The following ALDH18A1 variants were observed in gnomAD, a reference collection of about 807,000 sequenced individuals.
The protein encoded by ALDH18A1 is aldehyde dehydrogenase 18 family member A1.
Under a neutral mutation model 88.8 loss-of-function variants are expected in ALDH18A1, and 44 were observed. That is an observed-to-expected ratio of 0.50 (90% CI 0.39 to 0.64). The LOEUF (loss-of-function observed/expected upper bound fraction) is 0.64, where lower values mean the gene tolerates loss of function less well. Ranked by LOEUF, ALDH18A1 falls within the 30% of genes least tolerant of loss-of-function variation. ALDH18A1 has a pLI of 0.00. For missense variants in ALDH18A1, 782 were observed against 1,009.5 expected, an observed-to-expected ratio of 0.77 and a Z score of 3.05; for synonymous variants, 331 against 372.1, an observed-to-expected ratio of 0.89 and a Z score of 1.27.
At chr10:95,622,577 G>A (rs930877402) in intron 11 of ALDH18A1, among the ~76,000 whole-genome samples, 11 of 152,042 alleles carry the variant, frequency 7.2e-5, no homozygotes, top group African/African-American at 9.7e-5. Flanking sequence ...TCGCTCTGTC[G>A]CCCAGGCTGG....
chr10:95,628,326 G>C, intron 8 of ALDH18A1, 42 bp downstream of exon 8: 8 of 1,613,558 alleles, frequency 5.0e-6, no homozygotes, highest in Non-Finnish European at 6.8e-6. Flanking sequence ...TATAGTTTGG[G>C]CTTTAAAATT....
intron 12 of ALDH18A1, among the ~76,000 whole-genome samples, chr10:95,618,305 T>C (rs2092477084): frequency 6.6e-6 from 1 of 152,164 alleles, no homozygotes; most frequent in African/African-American, 2.4e-5. Flanking sequence ...ATATGTCAAC[T>C]TGCTTAAAGA....
rs777483455 is a variant in ALDH18A1, at chr10:95,628,358, A to G, written c.933+10T>C. 3.1e-6 allele frequency: 5 copies of G among 1,614,178 alleles called. No homozygotes were observed. Among genetic ancestry groups the G allele is most frequent in the Middle Eastern group, 1.6e-4 (1 of 6,062 alleles). Reference sequence around the variant, plus strand: ...AATTGTTATAGGCAGTTAAGGCACCAGATTCTTACCTTGGCTTCCATGCCA... The same window carrying G: ...AATTGTTATAGGCAGTTAAGGCACCGGATTCTTACCTTGGCTTCCATGCCA... On this transcript the variant is annotated intron_variant, in intron 8 of 17. Transcript: ENST00000371224.
rs147842812 is a variant in ALDH18A1, at chr10:95,610,264, G to A, written c.2139C>T (p.His713=). The part of the protein sequence containing the change: ...DENTAEFFLQ[H]VDSACVFWNA... ...TCCAGAACACACAGGCACTGTCTAC[G>A]TGCTGCAGGAAGAACTCCGCTGTGT... The change falls in exon 17 of 18, where the codon CAC becomes CAT. Residue 713 remains histidine, a synonymous_variant. Transcript: ENST00000371224. The A allele has an allele frequency of 3.5e-5, 57 of 1,613,960 alleles. No homozygotes were observed. Among genetic ancestry groups the A allele is most frequent in the Middle Eastern group, 1.6e-4 (1 of 6,082 alleles).
At chr10:95,623,584 A>G (rs1318848979) in intron 11 of ALDH18A1, among the ~76,000 whole-genome samples, 1 of 146,304 alleles carries the variant, frequency 6.8e-6, no homozygotes, top group Non-Finnish European at 1.5e-5. Context: ...TTTTTTTTTG[A>G]GATGGAGTTT....
chr10:95,622,197 T>A (rs1167821110), intron 11 of ALDH18A1, among the ~76,000 whole-genome samples: 3 of 152,136 alleles, frequency 2.0e-5, no homozygotes, highest in African/African-American at 4.8e-5. Flanking sequence ...AAGAAAACTT[T>A]TTTCCTTTTT....
At chr10:95,622,417 G>A (rs1325053304) in intron 11 of ALDH18A1, among the ~76,000 whole-genome samples, 1 of 152,010 alleles carries the variant, frequency 6.6e-6, no homozygotes, top group Non-Finnish European at 1.5e-5. Context: ...GCCCAGGCTG[G>A]TCTCGAACTC....
intron 2 of ALDH18A1, among the ~76,000 whole-genome samples, chr10:95,650,918 G>A (rs1025190117): frequency 6.6e-6 from 1 of 152,166 alleles, no homozygotes; most frequent in Non-Finnish European, 1.5e-5. Flanking sequence ...GGGATCACTT[G>A]AGGTCAGGAG....
chr10:95,614,267 A>T, intron 13 of ALDH18A1, 106 bp from the exon 14 acceptor site: 1 of 1,198,340 alleles, frequency 8.3e-7, no homozygotes, highest in Non-Finnish European at 1.2e-6. Flanking sequence ...CTGAGAACTA[A>T]GTGAGACACT....
chr10:95,611,107 C>T (rs1320236412), intron 16 of ALDH18A1, 149 bp downstream of exon 16: 2 of 873,652 alleles, frequency 2.3e-6, no homozygotes, highest in Admixed American at 4.3e-5. Flanking sequence ...TGTGAAAGCA[C>T]TCATCAAAGT....
chr10:95,612,543 G>T (rs1193038777), intron 15 of ALDH18A1, among the ~76,000 whole-genome samples: 2 of 152,150 alleles, frequency 1.3e-5, no homozygotes, highest in African/African-American at 4.8e-5. Flanking sequence ...CTTCTTCTGT[G>T]TTCCTTGGGG....
chr10:95,639,995 T>C (rs2097888411), intron 3 of ALDH18A1, among the ~76,000 whole-genome samples: 1 of 152,146 alleles, frequency 6.6e-6, no homozygotes, highest in African/African-American at 2.4e-5. Flanking sequence ...TAATGCCTGG[T>C]TATCTTTCTT....
intron 2 of ALDH18A1, among the ~76,000 whole-genome samples, chr10:95,650,302 T>C (rs1229554140): frequency 6.6e-6 from 1 of 152,168 alleles, no homozygotes; most frequent in Non-Finnish European, 1.5e-5. Flanking sequence ...GCTATGAGAC[T>C]GGGAGAAAAC....
intron 1 of ALDH18A1, among the ~76,000 whole-genome samples, chr10:95,654,952 TAA>T: frequency 1.3e-5 from 2 of 152,132 alleles, no homozygotes; most frequent in Non-Finnish European, 2.9e-5. Context: ...CAGCTGGATA[TAA>T]TTCTATAGGT....
chr10:95,628,433 C>T lies in ALDH18A1; in HGVS notation c.868G>A (p.Gly290Arg), dbSNP rs368147360. The T allele has an allele frequency of 5.1e-5, 82 of 1,613,926 alleles. No individual in the cohort carries two copies. Among genetic ancestry groups the T allele is most frequent in the East Asian group, 2.7e-4 (12 of 44,896 alleles). ...CCAAATGTCACAGACTGCTGATCTCCGGGATAAAATATATCAATAAGCTTT... is the reference window on the plus strand; with the variant it reads ...CCAAATGTCACAGACTGCTGATCTCTGGGATAAAATATATCAATAAGCTTT... ...DAKLIDIFYP[G>R]DQQSVTFGTK... Residue 290 changes from glycine to arginine, a missense_variant, in exon 8 of 18, where the codon GGA (glycine) becomes AGA (arginine). By Grantham distance (125) the Gly-to-Arg change is moderately radical (BLOSUM62 -2). Coordinates refer to ENST00000371224, the MANE Select transcript of ALDH18A1 (RefSeq NM_002860.4).
Position 95,611,358 on chromosome 10 carries a change from C to T in ALDH18A1, c.2008G>A (p.Asp670Asn), listed in dbSNP as rs761988720. The T allele has an allele frequency of 2.5e-6, 4 of 1,614,192 alleles. No individual in the cohort carries two copies. In the South Asian group the frequency reaches 4.4e-5, roughly 18 times the overall value. The change falls in exon 16 of 18, where the codon GAC becomes AAC. Residue 670 changes from aspartate to asparagine, a missense_variant. This residue lies in a region of ALDH18A1 where 556 missense variants were observed against 654.5 expected (regional missense o/e 0.85). Coordinates refer to ENST00000371224, the MANE Select transcript of ALDH18A1 (RefSeq NM_002860.4). Reference protein sequence around the residue: ...EVKSLRTEYGDLELCIEVVDN... With the variant: ...EVKSLRTEYGNLELCIEVVDN... Reference sequence around the variant, plus strand: ...ACTACTTCAATGCATAATTCCAGGTCCCCATACTCAGTTCGGAGTGACTTC... The same window carrying T: ...ACTACTTCAATGCATAATTCCAGGTTCCCATACTCAGTTCGGAGTGACTTC...
chr10:95,610,720 A>G (rs932878777), intron 16 of ALDH18A1, among the ~76,000 whole-genome samples: 2 of 152,206 alleles, frequency 1.3e-5, no homozygotes, highest in African/African-American at 4.8e-5. Flanking sequence ...GGGAGTACTC[A>G]TGCTAGTGCC....
chr10:95,610,198 C>T lies in ALDH18A1; in HGVS notation c.2205G>A (p.Leu735=). Residue 735 remains leucine (L), a splice_region_variant and synonymous_variant, in exon 17 of 18, where the codon CTG becomes CTA. Coordinates refer to ENST00000371224, the MANE Select transcript of ALDH18A1 (RefSeq NM_002860.4). ...TRFSDGYRFG[L]GAEVGISTSR... ...CTTCCCAACCAGAGTCTTTCTTACCCAGTCCAAAGCGGTAACCATCAGAAA... is the reference window on the plus strand; with the variant it reads ...CTTCCCAACCAGAGTCTTTCTTACCTAGTCCAAAGCGGTAACCATCAGAAA... 1 of 1,613,960 alleles carries T rather than the reference C, an allele frequency of 6.2e-7. No homozygotes were observed. Among genetic ancestry groups the T allele is most frequent in the South Asian group, 1.1e-5 (1 of 91,078 alleles).
chr10:95,655,043 G>C (rs930185333), intron 1 of ALDH18A1, among the ~76,000 whole-genome samples: 2 of 152,108 alleles, frequency 1.3e-5, no homozygotes, highest in Non-Finnish European at 2.9e-5. Context: ...CAAAAACGAT[G>C]AGGAACAAGG....
Sources: allele counts gnomAD v4.1 joint callset (sites outside exome capture counted in the v4.1 genomes callset), GRCh38; gene constraint gnomAD v4.1.1; regional missense constraint gnomAD v4.1.1; transcripts MANE v1.5; gene names NCBI Gene and HGNC (gene_info 2026-07-23, HGNC 2026-07-21).